Variants in ARID1B observed in about 807,000 individuals in gnomAD.
ARID1B encodes AT-rich interaction domain 1B, also known as AT-rich interactive domain-containing protein 1B.
ARID1B carries 30 observed loss-of-function variants against 212.3 expected under a neutral mutation model. That is an observed-to-expected ratio of 0.14 (90% CI 0.11 to 0.19). The LOEUF is 0.19. Ranked by LOEUF, ARID1B falls within the 10% of genes least tolerant of loss-of-function variation. The pLI is 1.00. For missense variants in ARID1B, 2,891 were observed against 3,204.0 expected (o/e 0.90, Z 2.36); for synonymous variants, 1,402 against 1,301.7 (o/e 1.08, Z -1.66).
At chr6:157,161,453 A>ATATATG (rs1562313986) in intron 8 of ARID1B, among the ~76,000 whole-genome samples, 10 of 147,232 alleles carry the variant, frequency 6.8e-5, no homozygotes, top group African/African-American at 2.3e-4. Context: ...ATATATATAT[A>ATATATG]TTTTGGCGGG....
chr6:157,062,911 G>C (rs192461079), intron 4 of ARID1B, among the ~76,000 whole-genome samples: 2 of 151,722 alleles, frequency 1.3e-5, no homozygotes, highest in Non-Finnish European at 2.9e-5. Context: ...CACCATGTTA[G>C]CTAGGCTGGT....
intron 1 of ARID1B, among the ~76,000 whole-genome samples, chr6:156,813,071 T>C (rs546088581): frequency 6.4e-4 from 62 of 96,392 alleles, no homozygotes; most frequent in African/African-American, 1.8e-3. Flanking sequence ...CATATATATA[T>C]ACACACATAC....
intron 2 of ARID1B, among the ~76,000 whole-genome samples, chr6:156,896,850 G>C (rs1166554573): frequency 6.6e-6 from 1 of 152,160 alleles, no homozygotes; most frequent in African/African-American, 2.4e-5. Context: ...CTGCACTCCA[G>C]CCTGACGACA....
intron 7 of ARID1B, chr6:157,140,642 T>C: frequency 2.5e-6 from 1 of 398,638 alleles, no homozygotes; most frequent in Middle Eastern, 6.3e-4. Context: ...GAGTAACACG[T>C]AGCTTTCCAG....
At chr6:156,845,115 G>C (rs180794773) in intron 2 of ARID1B, among the ~76,000 whole-genome samples, 164 of 57,130 alleles carry the variant, frequency 2.9e-3, no homozygotes, top group Middle Eastern at 0.01. Flanking sequence ...GATGCATTCA[G>C]GTGGCTTAAG....
At chr6:156,849,087 T>C (rs925243550) in intron 2 of ARID1B, among the ~76,000 whole-genome samples, 2 of 152,204 alleles carry the variant, frequency 1.3e-5, no homozygotes, top group Non-Finnish European at 2.9e-5. Context: ...TTTGGGGACA[T>C]TTAGTCTTCA....
intron 12 of ARID1B, 100 bp from the exon 13 acceptor site, chr6:157,184,131 T>C: frequency 9.3e-7 from 1 of 1,073,882 alleles, no homozygotes. Flanking sequence ...AAGAGGCAAA[T>C]GAAGAAAAGT....
Position 157,206,029 on chromosome 6 carries a change from C to A in ARID1B, c.5395-138C>A. On this transcript the variant is annotated intron_variant, in intron 19 of 19. Transcript: ENST00000636930. The surrounding 1 kb of genome is among the most constrained non-coding windows in gnomAD (Gnocchi z 6.8). ...TGAAGGGTAGTTTATCTTTCATGGT[C>A]CAGCCAAAAAGGGAGACAAACGTGT... 1 of 985,890 alleles carries A rather than the reference C, an allele frequency of 1.0e-6. No individual in the cohort carries two copies. Among genetic ancestry groups the A allele is most frequent in the Non-Finnish European group, 1.5e-6 (1 of 663,316 alleles). 61.1% of individuals were successfully genotyped at this position (985,890 alleles called of 1,614,324 possible). A position where few individuals can be genotyped will look rare whatever the true frequency, so the allele number is the denominator to read the frequency against.
intron 4 of ARID1B, among the ~76,000 whole-genome samples, chr6:157,040,955 GTT>G (rs1781842877): frequency 1.3e-5 from 2 of 152,034 alleles, no homozygotes; most frequent in African/African-American, 2.4e-5. Flanking sequence ...TCTTGAGTTT[GTT>G]TCTATACAGG....
At chr6:156,892,053 T>C (rs1401831006) in intron 2 of ARID1B, among the ~76,000 whole-genome samples, 2 of 90,612 alleles carry the variant, frequency 2.2e-5, no homozygotes, top group Non-Finnish European at 5.3e-5. Flanking sequence ...CTTTTTTTTT[T>C]TTTTTTCTTT....
rs1164805779 is a variant in ARID1B, at chr6:156,945,233, C to CTTTTTTTTTTTT, written c.2247+9681_2247+9692dup. Among the ~76,000 whole-genome samples, 26 of 32,660 alleles carry CTTTTTTTTTTTT rather than the reference C, an allele frequency of 8.0e-4. 6 individuals carry two copies. The highest frequency in any genetic ancestry group is 1.1e-3 in the Non-Finnish European group (19 of 17,236). 21.4% of individuals were successfully genotyped at this position (32,660 alleles called of 152,430 possible). ...GACCGGTGTGAGCCCCCGCATCCGG[C>CTTTTTTTTTTTT]TTTTTTTTTTTTTTTTTTTTTTTTT... On this transcript the variant is annotated intron_variant, in intron 4 of 19. Coordinates refer to ENST00000636930, the MANE Select transcript of ARID1B (RefSeq NM_001374828.1).
intron 2 of ARID1B, among the ~76,000 whole-genome samples, chr6:156,890,648 G>A (rs1787855309): frequency 6.6e-6 from 1 of 152,202 alleles, no homozygotes; most frequent in African/African-American, 2.4e-5. Flanking sequence ...TTGTGGGTGT[G>A]GGTGGTCAGC....
At chr6:156,993,673 G>A (rs1778404115) in intron 4 of ARID1B, among the ~76,000 whole-genome samples, 2 of 152,120 alleles carry the variant, frequency 1.3e-5, no homozygotes, top group African/African-American at 4.8e-5. Flanking sequence ...AAAATTTTTT[G>A]AATGTAGTAG....
rs56189333 is a variant in ARID1B, at chr6:156,987,159, CAGAGAGAGAG to C, written c.2247+51613_2247+51622del. Among the ~76,000 whole-genome samples, 619 of 141,494 alleles carry C rather than the reference CAGAGAGAGAG, an allele frequency of 4.4e-3. 5 individuals carry two copies. Among genetic ancestry groups the C allele is most frequent in the African/African-American group, 9.1e-3 (343 of 37,638 alleles). The allele number at this position is 141,494 out of a possible 152,430, so 92.8% of individuals were successfully genotyped here. A position where few individuals can be genotyped will look rare whatever the true frequency, so the allele number is the denominator to read the frequency against. On this transcript the variant is annotated intron_variant, in intron 4 of 19. Coordinates refer to ENST00000636930, the MANE Select transcript of ARID1B (RefSeq NM_001374828.1). ...TGCCACTTCACTGTAGCCTCGGTGACAGAGAGAGAGAGAGAGAGAGAGAGAGAGAGAGAGA... is the reference window on the plus strand; with the variant it reads ...TGCCACTTCACTGTAGCCTCGGTGACAGAGAGAGAGAGAGAGAGAGAGAGA...
intron 1 of ARID1B, among the ~76,000 whole-genome samples, chr6:156,822,767 T>C (rs1782445206): frequency 1.3e-5 from 2 of 152,296 alleles, no homozygotes; most frequent in African/African-American, 4.8e-5. Flanking sequence ...GTGGTGCCAC[T>C]GGCATGTGGT....
rs777278111 is a variant in ARID1B at position 157,207,524 on chromosome 6, G to A, written c.6752G>A (p.Arg2251Gln). The change falls in exon 20 of 20, where the codon CGA becomes CAA. Residue 2251 changes from arginine (R) to glutamine (Q), a missense_variant. By Grantham distance (43) the Arg-to-Gln change is conservative (BLOSUM62 1). Coordinates refer to ENST00000636930, the MANE Select transcript of ARID1B (RefSeq NM_001374828.1). This position sits in a 1 kb window ranked among gnomAD's most constrained non-coding sequence, Gnocchi z 8.5. ...YVGDRKNPVC[R>Q]EMSMALLSNL... The stretch of plus-strand genomic sequence containing the variant: ...GGGGATCGCAAAAACCCAGTCTGTC[G>A]AGAAATGTCCATGGCGCTTTTATCG... 5.6e-6 allele frequency: 9 copies of A among 1,614,154 alleles called. No individual in the cohort carries two copies. Among genetic ancestry groups the A allele is most frequent in the African/African-American group, 1.3e-5 (1 of 75,022 alleles).
At chr6:156,868,074 G>A in intron 2 of ARID1B, among the ~76,000 whole-genome samples, 2 of 152,228 alleles carry the variant, frequency 1.3e-5, no homozygotes, top group East Asian at 3.8e-4. Flanking sequence ...GGAAAGCCTT[G>A]TAGCAGGCTG....
chr6:157,161,231 A>G lies in ARID1B; in HGVS notation c.3090-5809A>G, dbSNP rs374386579. On this transcript the variant is annotated intron_variant, in intron 8 of 19. Transcript: ENST00000636930. ...TTTTAAATAAAGGCACTTCTATTCT[A>G]TGTCTTTTGTCTAATGAGACAAATG... Among the ~76,000 whole-genome samples, 7 of 152,216 alleles carry G rather than the reference A, an allele frequency of 4.6e-5. 1 individual carries two copies. Among genetic ancestry groups the G allele is most frequent in the African/African-American group, 1.4e-4 (6 of 41,518 alleles).
chr6:157,166,942 A>AT, intron 8 of ARID1B, 98 bp from the exon 9 acceptor site: 1 of 1,476,644 alleles, frequency 6.8e-7, no homozygotes, highest in Non-Finnish European at 9.1e-7. Context: ...TTATAGCCCC[A>AT]CCCCTTACAT....
Sources: allele counts gnomAD v4.1 joint callset (sites outside exome capture counted in the v4.1 genomes callset), GRCh38; gene constraint gnomAD v4.1.1; non-coding constraint Gnocchi (gnomAD v3.1); transcripts MANE v1.5; gene names NCBI Gene and HGNC (gene_info 2026-07-23, HGNC 2026-07-21).